GATAD2B: variants seen among roughly 807,000 people sequenced by gnomAD.
The protein encoded by GATAD2B is transcriptional repressor p66-beta.
In GATAD2B, 8 loss-of-function variants were observed where a neutral mutation model predicts 64.3. That is an observed-to-expected ratio of 0.12 (90% CI 0.07 to 0.22). The LOEUF is 0.22. Among genes scored for constraint, GATAD2B ranks in the 10% least tolerant of loss-of-function variants. The pLI is 1.00. For synonymous variants in GATAD2B, 281 were observed against 271.3 expected, an observed-to-expected ratio of 1.04 and a Z score of -0.35; for missense variants, 453 against 752.0, an observed-to-expected ratio of 0.60 and a Z score of 4.65.
chr1:153,843,925 G>A (rs1286273716), intron 1 of GATAD2B, among the ~76,000 whole-genome samples: 2 of 152,018 alleles, frequency 1.3e-5, no homozygotes, highest in Non-Finnish European at 2.9e-5. Context: ...AGCAAATGAA[G>A]TGAGCTCTAC....
At chr1:153,914,126 C>T (rs1279649591) in intron 1 of GATAD2B, among the ~76,000 whole-genome samples, 1 of 148,296 alleles carries the variant, frequency 6.7e-6, no homozygotes, top group African/African-American at 2.5e-5. Flanking sequence ...GCCTGTAATC[C>T]CAGCTACTGG....
chr1:153,861,822 A>ATATATG (rs200223289), intron 1 of GATAD2B, among the ~76,000 whole-genome samples: 25,739 of 133,466 alleles, frequency 0.19, 2,978 homozygotes, highest in South Asian at 0.27. Flanking sequence ...ACATATGTAT[A>ATATATG]TATATGTATA....
intron 1 of GATAD2B, among the ~76,000 whole-genome samples, chr1:153,888,228 T>C (rs1321938959): frequency 6.6e-6 from 1 of 152,104 alleles, no homozygotes; most frequent in Admixed American, 6.6e-5. Context: ...AAGGGTGGTA[T>C]ACATTTTCCT....
Position 153,813,129 on chromosome 1 carries a change from G to A in GATAD2B, c.1419+121C>T, listed in dbSNP as rs1442299611. ...TGGAAATAGGACACAATGATAAGGA[G>A]ACAAAAAGGGAACCTGTGGACCTGT... is the stretch of plus-strand genomic sequence containing the variant. On this transcript the variant is annotated intron_variant, in intron 8 of 10. Coordinates refer to ENST00000368655, the MANE Select transcript of GATAD2B (RefSeq NM_020699.4). The A allele has an allele frequency of 8.3e-6, 6 of 721,418 alleles. No individual in the cohort carries two copies. In the East Asian group the frequency reaches 1.2e-4, roughly 15 times the overall value. 44.7% of individuals were successfully genotyped at this position (721,418 alleles called of 1,614,324 possible).
At position 153,846,557 on chromosome 1, in the gene GATAD2B, CTTTT is replaced by C. The variant is rs887230575; in HGVS notation, c.-1-18213_-1-18210del. ...CCAACCCCTTCTTGTTCTTTGCGTT[CTTTT>C]TTTTTTTTTTTTTTTTTTGAGATGG... On this transcript the variant is annotated intron_variant, in intron 1 of 10. Transcript: ENST00000368655. Among the ~76,000 whole-genome samples, 225 of 113,860 alleles carry C rather than the reference CTTTT, an allele frequency of 2.0e-3. 2 individuals carry two copies. Among genetic ancestry groups the C allele is most frequent in the Non-Finnish European group, 3.4e-3 (189 of 56,416 alleles). The allele number at this position is 113,860 out of a possible 152,430, so 74.7% of individuals were successfully genotyped here. A position where few individuals can be genotyped will look rare whatever the true frequency, so the allele number is the denominator to read the frequency against.
intron 1 of GATAD2B, among the ~76,000 whole-genome samples, chr1:153,842,861 G>A (rs1383557539): frequency 2.0e-5 from 3 of 151,726 alleles, no homozygotes; most frequent in African/African-American, 7.3e-5. Context: ...CACCATGTTG[G>A]TCAGGGTGGT....
At chr1:153,824,105 G>T (rs1047462229) in intron 2 of GATAD2B, among the ~76,000 whole-genome samples, 1 of 152,188 alleles carries the variant, frequency 6.6e-6, no homozygotes, top group East Asian at 1.9e-4. Context: ...AGCTTCCAGA[G>T]GATTGTGTTT....
chr1:153,832,846 T>C (rs2101895326), intron 1 of GATAD2B, among the ~76,000 whole-genome samples: 1 of 152,296 alleles, frequency 6.6e-6, no homozygotes, highest in African/African-American at 2.4e-5. Flanking sequence ...ACTGTTTTCA[T>C]CTATAAGCCC....
At chr1:153,899,366 C>G (rs917526013) in intron 1 of GATAD2B, among the ~76,000 whole-genome samples, 1 of 152,032 alleles carries the variant, frequency 6.6e-6, no homozygotes, top group Admixed American at 6.6e-5. Context: ...GTCAGGAGCT[C>G]GAGACCAGCG....
At chr1:153,899,387 A>G (rs1330390574) in intron 1 of GATAD2B, among the ~76,000 whole-genome samples, 1 of 152,122 alleles carries the variant, frequency 6.6e-6, no homozygotes, top group African/African-American at 2.4e-5. Flanking sequence ...TGGCCAACAT[A>G]GTGAAACCCC....
chr1:153,828,057 T>C lies in GATAD2B; in HGVS notation c.291A>G (p.Lys97=). ...GDNRTAGRPG[K]ENINDEPVDM... is the part of the protein sequence containing the mutation. ...CCACAGGCTCATCATTGATGTTTTC[T>C]TTGCCTGGCCTTCCAGCAGTCCTGT... Residue 97 remains lysine, a synonymous_variant, in exon 2 of 11, where the codon AAA becomes AAG. Transcript: ENST00000368655. 1.2e-6 allele frequency: 2 copies of C among 1,614,194 alleles called. No individual in the cohort carries two copies. Among genetic ancestry groups the C allele is most frequent in the Non-Finnish European group, 1.7e-6 (2 of 1,180,042 alleles).
intron 1 of GATAD2B, among the ~76,000 whole-genome samples, chr1:153,837,241 G>A (rs1444372652): frequency 6.6e-6 from 1 of 152,122 alleles, no homozygotes; most frequent in Admixed American, 6.6e-5. Context: ...TATAATTCTA[G>A]CTACTTGGGA....
Position 153,816,645 on chromosome 1 carries a change from T to C in GATAD2B, c.901-57A>G. The C allele has an allele frequency of 1.7e-6, 2 of 1,186,660 alleles. No homozygotes were observed. The highest frequency in any genetic ancestry group is 2.5e-6 in the Non-Finnish European group (2 of 815,270). The allele number at this position is 1,186,660 out of a possible 1,614,324, so 73.5% of individuals were successfully genotyped here. A position where few individuals can be genotyped will look rare whatever the true frequency, so the allele number is the denominator to read the frequency against. On this transcript the variant is annotated intron_variant, in intron 6 of 10. Transcript: ENST00000368655. This position sits in a 1 kb window ranked among gnomAD's most constrained non-coding sequence, Gnocchi z 4.9. ...GTATGCAGGAGAAAGGGCCAATTCT[T>C]ACGTTCTTGGCAGAGGACACTGTCT...
chr1:153,811,758 C>T lies in GATAD2B; in HGVS notation c.1621G>A (p.Val541Met), dbSNP rs1324892287. 3 of 1,610,986 alleles carry T rather than the reference C, an allele frequency of 1.9e-6. No homozygotes were observed. The highest frequency in any genetic ancestry group is 2.5e-6 in the Non-Finnish European group (3 of 1,178,788). The change falls in exon 10 of 11, where the codon GTG (valine) becomes ATG (methionine). Residue 541 changes from valine to methionine, a missense_variant. Around this residue, in one of 2 missense-constraint regions of GATAD2B, gnomAD observed 160 missense variants for 334.7 expected, o/e 0.48. Coordinates refer to ENST00000368655, the MANE Select transcript of GATAD2B (RefSeq NM_020699.4). ...SNFAQAPQLS[V>M]PGGLLGMPGV... ...GGCATACCAAGGAGGCCACCTGGCA[C>T]AGACAACTGGGGTGCCTGTGCAAAG... is the stretch of plus-strand genomic sequence containing the variant.
intron 1 of GATAD2B, among the ~76,000 whole-genome samples, chr1:153,880,393 G>T (rs1160147997): frequency 6.6e-6 from 1 of 151,866 alleles, no homozygotes; most frequent in Non-Finnish European, 1.5e-5. Context: ...CTTGAACCTG[G>T]GAGGCAGGGG....
chr1:153,900,180 G>A (rs1483138013), intron 1 of GATAD2B, among the ~76,000 whole-genome samples: 2 of 152,082 alleles, frequency 1.3e-5, no homozygotes, highest in Non-Finnish European at 2.9e-5. Flanking sequence ...CACTTTGGGA[G>A]GCCGAGGCAG....
At chr1:153,863,037 AG>A (rs1310167457) in intron 1 of GATAD2B, among the ~76,000 whole-genome samples, 2 of 152,092 alleles carry the variant, frequency 1.3e-5, no homozygotes, top group African/African-American at 4.8e-5. Context: ...TTTTTTTAAG[AG>A]AAAAAAATAA....
At chr1:153,904,251 G>GC in intron 1 of GATAD2B, among the ~76,000 whole-genome samples, 1 of 151,888 alleles carries the variant, frequency 6.6e-6, no homozygotes, top group South Asian at 2.1e-4. Context: ...CTACACTCCA[G>GC]CCTGGGTGAA....
chr1:153,893,443 C>CA (rs1337121729), intron 1 of GATAD2B, among the ~76,000 whole-genome samples: 1 of 151,326 alleles, frequency 6.6e-6, no homozygotes, highest in African/African-American at 2.4e-5. Context: ...CCAGTCTCTA[C>CA]AAAAAAAGAC....
Sources: gnomAD v4.1 joint callset for allele counts (sites outside exome capture counted in the v4.1 genomes callset) on GRCh38, gnomAD v4.1.1 for gene constraint, gnomAD v4.1.1 regional missense constraint, Gnocchi (gnomAD v3.1) non-coding constraint, MANE v1.5 for transcripts, NCBI Gene and HGNC (gene_info 2026-07-23, HGNC 2026-07-21) for gene names.